Variants in KGD4 observed in about 807,000 individuals in gnomAD.
The protein encoded by KGD4 is alpha-ketoglutarate dehydrogenase subunit 4.
the KGD4 span, chr5:69,228,406 TCCCAAGACTACG>T: frequency 1.3e-6 from 2 of 1,579,150 alleles, no homozygotes; most frequent in Non-Finnish European, 1.7e-6. Flanking sequence ...TTGCTCTTTA[TCCCAAGACTACG>T]CAAAACACCA....
At chr5:69,226,609 G>T in the KGD4 span, among the ~76,000 whole-genome samples, 1 of 152,176 alleles carries the variant, frequency 6.6e-6, no homozygotes. Flanking sequence ...CACTTTGGGA[G>T]GCCGAGGCAC....
At chr5:69,217,886 C>T in the KGD4 span, 33 of 1,614,024 alleles carry the variant, frequency 2.0e-5, no homozygotes, top group Non-Finnish European at 2.7e-5. Flanking sequence ...AGCAATTTGT[C>T]GCGTTTCCGC....
the KGD4 span, among the ~76,000 whole-genome samples, chr5:69,227,003 C>T: frequency 2.0e-5 from 3 of 152,092 alleles, no homozygotes; most frequent in African/African-American, 7.2e-5. Flanking sequence ...TCCTTAGTAG[C>T]TGGGATTACA....
chr5:69,220,628 G>A, the KGD4 span, among the ~76,000 whole-genome samples: 2 of 152,124 alleles, frequency 1.3e-5, no homozygotes, highest in African/African-American at 4.8e-5. Context: ...CCTGGCCGCA[G>A]TGCAATCTTC....
chr5:69,218,110 A>T, the KGD4 span: 4 of 619,918 alleles, frequency 6.5e-6, no homozygotes, highest in East Asian at 1.1e-4. Flanking sequence ...GCATCTTGGC[A>T]GGTAGGTCCT....
At chr5:69,222,813 G>A in the KGD4 span, among the ~76,000 whole-genome samples, 1 of 149,256 alleles carries the variant, frequency 6.7e-6, no homozygotes, top group Non-Finnish European at 1.5e-5. Flanking sequence ...TTGAGACAGA[G>A]CCTCTCTCTG....
At chr5:69,228,210 T>C in the KGD4 span, 3 of 1,558,592 alleles carry the variant, frequency 1.9e-6, no homozygotes, top group Non-Finnish European at 2.6e-6. Context: ...TATCAGAAGC[T>C]TTGAGATCAG....
At chr5:69,225,883 T>G in the KGD4 span, among the ~76,000 whole-genome samples, 1 of 152,024 alleles carries the variant, frequency 6.6e-6, no homozygotes, top group African/African-American at 2.4e-5. Context: ...TGGGCCTTGT[T>G]TTTCTTTTTG....
chr5:69,229,911 A>G, the KGD4 span: 1 of 151,900 alleles, frequency 6.6e-6, no homozygotes, highest in Non-Finnish European at 1.5e-5. Flanking sequence ...AGAAATTGCA[A>G]TTTATTATGT....
chr5:69,217,779 GTGATCGCCGC>G, the KGD4 span: 1 of 1,612,668 alleles, frequency 6.2e-7, no homozygotes, highest in Non-Finnish European at 8.5e-7. Flanking sequence ...CGGGACTCCA[GTGATCGCCGC>G]GGCTCGCTCG....
chr5:69,224,810 C>T, the KGD4 span, among the ~76,000 whole-genome samples: 13 of 152,136 alleles, frequency 8.5e-5, no homozygotes, highest in South Asian at 2.7e-3. Flanking sequence ...TGCGGTGGCT[C>T]ACACCTGTAA....
At chr5:69,226,406 G>A in the KGD4 span, 1 of 1,579,716 alleles carries the variant, frequency 6.3e-7, no homozygotes, top group Non-Finnish European at 8.7e-7. Flanking sequence ...CCAATGGTGA[G>A]TTGTATTTTA....
the KGD4 span, among the ~76,000 whole-genome samples, chr5:69,222,426 G>C: frequency 5.9e-5 from 9 of 152,170 alleles, no homozygotes; most frequent in African/African-American, 1.7e-4. Flanking sequence ...AAATACTTCA[G>C]AATACTTGGA....
the KGD4 span, chr5:69,217,802 C>T: frequency 1.2e-6 from 2 of 1,613,404 alleles, no homozygotes; most frequent in Admixed American, 1.7e-5. Context: ...CTCGCTCGCG[C>T]CCCGGAAACT....
chr5:69,222,523 G>A, the KGD4 span, among the ~76,000 whole-genome samples: 1 of 152,174 alleles, frequency 6.6e-6, no homozygotes. Flanking sequence ...TGCCAAAGAA[G>A]AGTTTGAACT....
chr5:69,228,282 T>C, the KGD4 span: 2 of 1,610,394 alleles, frequency 1.2e-6, no homozygotes, highest in East Asian at 2.2e-5. Context: ...AATCACCAGA[T>C]TTGCTGATGT....
chr5:69,218,030 T>G, the KGD4 span: 1 of 1,180,426 alleles, frequency 8.5e-7, no homozygotes. Context: ...AGGATGGGAC[T>G]TTGAGCCTGT....
the KGD4 span, among the ~76,000 whole-genome samples, chr5:69,224,873 G>A: frequency 6.6e-6 from 1 of 151,916 alleles, no homozygotes; most frequent in African/African-American, 2.4e-5. Context: ...AGGAGATTGA[G>A]ACCACCTTGG....
the KGD4 span, chr5:69,218,025 G>T: frequency 8.1e-7 from 1 of 1,240,212 alleles, no homozygotes; most frequent in Non-Finnish European, 1.1e-6. Context: ...GTGTGAGGAT[G>T]GGACTTTGAG....
Sources: gnomAD v4.1 joint callset for allele counts (sites outside exome capture counted in the v4.1 genomes callset) on GRCh38, gnomAD v4.1.1 for gene constraint, MANE v1.5 for transcripts, NCBI Gene and HGNC (gene_info 2026-07-23, HGNC 2026-07-21) for gene names.